Variants in VAC14 observed in about 807,000 individuals in gnomAD.
VAC14 encodes VAC14 component of PIKFYVE complex.
In VAC14, 47 loss-of-function variants were observed where a neutral mutation model predicts 85.3. The ratio of observed to expected loss-of-function variants is 0.55; its 90% CI spans 0.44 to 0.70. The LOEUF is 0.70. Ranked by LOEUF, VAC14 falls within the 30% of genes least tolerant of loss-of-function variation. The probability of loss-of-function intolerance (pLI) is 0.00; values close to 1 mark genes in which losing one functional copy is unlikely to be tolerated. For missense variants in VAC14, 861 were observed against 1,004.3 expected (o/e 0.86, Z 1.93); for synonymous variants, 447 against 430.5 (o/e 1.04, Z -0.47).
chr16:70,690,461 A>G, intron 18 of VAC14: 1 of 985,528 alleles, frequency 1.0e-6, no homozygotes, highest in Non-Finnish European at 1.2e-6. Context: ...CACTCTTGCC[A>G]TCCCACCCAT....
chr16:70,697,962 G>C (rs1193873827), intron 15 of VAC14, among the ~76,000 whole-genome samples: 1 of 147,020 alleles, frequency 6.8e-6, no homozygotes. Context: ...GATGACCCCT[G>C]TCCCCGCACG....
At chr16:70,711,823 A>G (rs892531478) in intron 14 of VAC14, among the ~76,000 whole-genome samples, 2 of 152,246 alleles carry the variant, frequency 1.3e-5, no homozygotes, top group African/African-American at 4.8e-5. Flanking sequence ...TGCCCACTTA[A>G]AGAGCACTGA....
At chr16:70,731,278 T>C in intron 14 of VAC14, 1 of 1,326,946 alleles carries the variant, frequency 7.5e-7, no homozygotes. Flanking sequence ...AATTCAGTTG[T>C]GCGGAAAAAC....
intron 1 of VAC14, among the ~76,000 whole-genome samples, chr16:70,792,337 C>T (rs1482441958): frequency 3.3e-5 from 5 of 152,178 alleles, no homozygotes; most frequent in Non-Finnish European, 5.9e-5. Flanking sequence ...TGAGGCTGAA[C>T]TAGTTTTGAA....
chr16:70,777,787 G>C (rs2033597802), intron 9 of VAC14, among the ~76,000 whole-genome samples: 2 of 152,208 alleles, frequency 1.3e-5, no homozygotes, highest in Non-Finnish European at 2.9e-5. Flanking sequence ...CGGCGGATCA[G>C]CACAAGTAAA....
chr16:70,698,730 G>A lies in VAC14; in HGVS notation c.1743C>T (p.Phe581=), dbSNP rs1026440352. The A allele has an allele frequency of 7.4e-6, 12 of 1,614,092 alleles. No individual in the cohort carries two copies. The highest frequency in any genetic ancestry group is 1.6e-4 in the Middle Eastern group (1 of 6,082). ...TGAGGGCGTGGACCATGGTCGAGGC[G>A]AACTTGAGGTCCTCCTCCCGCAGCA... ...DILLREEDLK[F]ASTMVHALNT... Residue 581 remains phenylalanine, a synonymous_variant, in exon 15 of 19, where the codon TTC becomes TTT. Coordinates refer to ENST00000261776, the MANE Select transcript of VAC14 (RefSeq NM_018052.5).
chr16:70,702,413 G>A (rs901865974), intron 14 of VAC14, among the ~76,000 whole-genome samples: 2 of 152,154 alleles, frequency 1.3e-5, no homozygotes, highest in Non-Finnish European at 2.9e-5. Flanking sequence ...AGGAGAGGCC[G>A]GGAGCAGGCA....
At chr16:70,795,311 AAAC>A (rs746175310) in intron 1 of VAC14, among the ~76,000 whole-genome samples, 30 of 152,008 alleles carry the variant, frequency 2.0e-4, no homozygotes, top group African/African-American at 4.6e-4. Flanking sequence ...CTAAAAATTA[AAAC>A]AACAACAACA....
intron 12 of VAC14, among the ~76,000 whole-genome samples, chr16:70,751,945 A>G (rs983157742): frequency 6.6e-5 from 10 of 152,266 alleles, no homozygotes; most frequent in African/African-American, 1.4e-4. Flanking sequence ...ACAAGGAAGG[A>G]AAGTGTTGCC....
intron 4 of VAC14, 145 bp downstream of exon 4, chr16:70,784,631 T>C (rs528969428): frequency 6.1e-6 from 5 of 820,904 alleles, no homozygotes; most frequent in South Asian, 3.3e-5. Flanking sequence ...ATTCTTGTCA[T>C]AGAACTGCAC....
intron 9 of VAC14, chr16:70,779,113 A>C (rs2033680514): frequency 6.6e-6 from 1 of 152,258 alleles, no homozygotes; most frequent in African/African-American, 2.4e-5. Context: ...CCAATGCTCC[A>C]GCTGAGTGCT....
At chr16:70,795,189 G>A (rs1290145646) in intron 1 of VAC14, among the ~76,000 whole-genome samples, 1 of 152,100 alleles carries the variant, frequency 6.6e-6, no homozygotes, top group Non-Finnish European at 1.5e-5. Context: ...CCCCTGAGCC[G>A]GGCGCAGTGG....
chr16:70,753,274 G>C (rs1182983628), intron 12 of VAC14, among the ~76,000 whole-genome samples: 3 of 152,188 alleles, frequency 2.0e-5, no homozygotes, highest in African/African-American at 4.8e-5. Context: ...CATTAGCAGT[G>C]GGGGGACGGT....
intron 5 of VAC14, 129 bp downstream of exon 5, chr16:70,783,984 A>T: frequency 1.4e-6 from 1 of 729,048 alleles, no homozygotes; most frequent in South Asian, 1.8e-5. Context: ...TTTTTGAATT[A>T]TCAGGTGTTA....
chr16:70,761,016 T>TGTGTGTGTGTGTGTGTGCGTGC, intron 12 of VAC14: 1 of 300,908 alleles, frequency 3.3e-6, no homozygotes, highest in African/African-American at 4.2e-5. Context: ...TGTGTGTGTG[T>TGTGTGTGTGTGTGTGTGCGTGC]GTGCATGGGG....
At chr16:70,705,575 T>C (rs1489711881) in intron 14 of VAC14, among the ~76,000 whole-genome samples, 1 of 152,224 alleles carries the variant, frequency 6.6e-6, no homozygotes, top group African/African-American at 2.4e-5. Flanking sequence ...GGAAAACAGC[T>C]GGCCTGGCGG....
At chr16:70,740,807 G>T (rs1224654320) in intron 13 of VAC14, among the ~76,000 whole-genome samples, 1 of 152,210 alleles carries the variant, frequency 6.6e-6, no homozygotes. Flanking sequence ...AGGCAGGGTG[G>T]GAGAAGCCTC....
rs981981066 is a variant in VAC14 at position 70,782,893 on chromosome 16, A to G, written c.811+140T>C. The G allele has an allele frequency of 2.8e-5, 22 of 781,288 alleles. No individual in the cohort carries two copies. In the African/African-American group the frequency reaches 3.4e-4, roughly 12 times the overall value. The allele number at this position is 781,288 out of a possible 1,614,324, so 48.4% of individuals were successfully genotyped here. A position where few individuals can be genotyped will look rare whatever the true frequency, so the allele number is the denominator to read the frequency against. On this transcript the variant is annotated intron_variant, in intron 7 of 18. Coordinates refer to ENST00000261776, the MANE Select transcript of VAC14 (RefSeq NM_018052.5). ...CAGCACTCCACCTCTCCCAGGGCCC[A>G]CTGTCACACTGGCTAATATTCCTAC...
At chr16:70,699,547 G>A (rs2053781504) in intron 14 of VAC14, 1 of 152,202 alleles carries the variant, frequency 6.6e-6, no homozygotes, top group South Asian at 2.1e-4. Context: ...ACTTTGTGAA[G>A]AGGAGCCTCC....
Sources: gnomAD v4.1 joint callset for allele counts (sites outside exome capture counted in the v4.1 genomes callset) on GRCh38, gnomAD v4.1.1 for gene constraint, MANE v1.5 for transcripts, NCBI Gene and HGNC (gene_info 2026-07-23, HGNC 2026-07-21) for gene names.